The following KCNJ3 variants were observed in gnomAD, a reference collection of about 807,000 sequenced individuals.
The protein encoded by KCNJ3 is G protein-activated inward rectifier potassium channel 1.
In KCNJ3, 4 loss-of-function variants were observed where a neutral mutation model predicts 39.2. The ratio of observed to expected loss-of-function variants is 0.10; its 90% confidence interval spans 0.05 to 0.23. KCNJ3 has a LOEUF of 0.23. Ranked by LOEUF, KCNJ3 falls within the 10% of genes least tolerant of loss-of-function variation. KCNJ3 has a pLI of 1.00. For synonymous variants in KCNJ3, 230 were observed against 237.4 expected (o/e 0.97, Z 0.29); for missense variants, 276 against 634.9 (o/e 0.43, Z 6.08).
At chr2:154,825,021 C>T (rs1687244747) in intron 2 of KCNJ3, among the ~76,000 whole-genome samples, 1 of 152,174 alleles carries the variant, frequency 6.6e-6, no homozygotes, top group Non-Finnish European at 1.5e-5. Flanking sequence ...TAAATACTTG[C>T]TTATTTACTT....
At chr2:154,727,116 A>C (rs1685373352) in intron 2 of KCNJ3, among the ~76,000 whole-genome samples, 1 of 152,120 alleles carries the variant, frequency 6.6e-6, no homozygotes, top group African/African-American at 2.4e-5. Context: ...ATCACTAAAA[A>C]ACTTAGCCAT....
At chr2:154,842,815 A>T (rs546264786) in intron 2 of KCNJ3, among the ~76,000 whole-genome samples, 1 of 150,608 alleles carries the variant, frequency 6.6e-6, no homozygotes, top group East Asian at 2.0e-4. Flanking sequence ...CCATCCCTTT[A>T]TTTGGAGCCT....
At chr2:154,845,180 A>G (rs974392645) in intron 2 of KCNJ3, among the ~76,000 whole-genome samples, 2 of 152,182 alleles carry the variant, frequency 1.3e-5, no homozygotes, top group East Asian at 3.9e-4. Flanking sequence ...GTGCAGTGGC[A>G]TAATCTCAGC....
chr2:154,757,514 T>C (rs1354823785), intron 2 of KCNJ3, among the ~76,000 whole-genome samples: 2 of 152,178 alleles, frequency 1.3e-5, no homozygotes, highest in African/African-American at 4.8e-5. Flanking sequence ...GCATATTTTG[T>C]TGATTTTTTT....
intron 2 of KCNJ3, among the ~76,000 whole-genome samples, chr2:154,752,524 A>G (rs563108706): frequency 5.5e-4 from 83 of 152,192 alleles, no homozygotes; most frequent in South Asian, 6.2e-4. Context: ...AAAATTATTT[A>G]TATGGTACAT....
Position 154,720,609 on chromosome 2 carries a change from C to T in KCNJ3, c.919+10790C>T, listed in dbSNP as rs571789699. ...GAGCCCTCTTATTCACATGTAGTAC[C>T]GACTCTGTGCTATACCTTACCATTT... is the stretch of plus-strand genomic sequence containing the variant. On this transcript the variant is annotated intron_variant, in intron 2 of 2. Transcript: ENST00000295101. 2.0e-4 allele frequency among the ~76,000 whole-genome samples: 31 copies of T among 151,926 alleles called. No homozygotes were observed. The Middle Eastern group carries it at 0.01, about 50-fold the overall frequency.
chr2:154,741,587 T>C (rs1252749457), intron 2 of KCNJ3, among the ~76,000 whole-genome samples: 8 of 151,864 alleles, frequency 5.3e-5, no homozygotes, highest in Non-Finnish European at 1.2e-4. Flanking sequence ...TGGAAGTAGG[T>C]AAAATCATAT....
intron 2 of KCNJ3, among the ~76,000 whole-genome samples, chr2:154,808,377 G>A (rs957680304): frequency 6.6e-6 from 1 of 151,348 alleles, no homozygotes; most frequent in African/African-American, 2.4e-5. Flanking sequence ...CACCACACTC[G>A]GCGGGATAAG....
intron 2 of KCNJ3, among the ~76,000 whole-genome samples, chr2:154,849,874 C>A (rs1032086088): frequency 1.3e-5 from 2 of 151,680 alleles, no homozygotes; most frequent in African/African-American, 4.8e-5. Flanking sequence ...AGGAAAATGT[C>A]AAAAATAAAA....
At chr2:154,734,184 G>C (rs1160209924) in intron 2 of KCNJ3, among the ~76,000 whole-genome samples, 3 of 152,168 alleles carry the variant, frequency 2.0e-5, no homozygotes, top group Admixed American at 6.5e-5. Flanking sequence ...GAAGATACCT[G>C]AGAAGACAGA....
At chr2:154,811,830 A>G (rs1391985292) in intron 2 of KCNJ3, among the ~76,000 whole-genome samples, 4 of 152,130 alleles carry the variant, frequency 2.6e-5, no homozygotes, top group Admixed American at 2.6e-4. Flanking sequence ...GTGGTATTTT[A>G]CTTAATTCTG....
intron 2 of KCNJ3, among the ~76,000 whole-genome samples, chr2:154,731,214 C>T (rs1377786108): frequency 6.6e-6 from 1 of 152,142 alleles, no homozygotes; most frequent in African/African-American, 2.4e-5. Flanking sequence ...ATTACCTGCC[C>T]TTCTATGTGA....
intron 2 of KCNJ3, among the ~76,000 whole-genome samples, chr2:154,772,004 C>A (rs1452542253): frequency 6.6e-6 from 1 of 152,086 alleles, no homozygotes; most frequent in Non-Finnish European, 1.5e-5. Flanking sequence ...ATCAGAGAAA[C>A]CACCCAAGGT....
intron 2 of KCNJ3, among the ~76,000 whole-genome samples, chr2:154,837,932 T>C (rs1464919773): frequency 6.6e-6 from 1 of 152,240 alleles, no homozygotes; most frequent in Non-Finnish European, 1.5e-5. Flanking sequence ...TTTATTGTTA[T>C]AGCACCTTGT....
chr2:154,751,121 C>T (rs936447333), intron 2 of KCNJ3, among the ~76,000 whole-genome samples: 4 of 151,632 alleles, frequency 2.6e-5, no homozygotes, highest in Non-Finnish European at 4.4e-5. Flanking sequence ...TAACCAAATA[C>T]CACCTATTCC....
chr2:154,853,725 C>T (rs921919519), intron 2 of KCNJ3, among the ~76,000 whole-genome samples: 5 of 151,952 alleles, frequency 3.3e-5, no homozygotes, highest in African/African-American at 1.2e-4. Context: ...CCAGTCTTCA[C>T]AAAATGAATA....
At chr2:154,752,041 A>C (rs1477449689) in intron 2 of KCNJ3, among the ~76,000 whole-genome samples, 1 of 151,990 alleles carries the variant, frequency 6.6e-6, no homozygotes, top group Non-Finnish European at 1.5e-5. Context: ...ACACCATAAC[A>C]CCAATTAAAA....
intron 2 of KCNJ3, among the ~76,000 whole-genome samples, chr2:154,783,513 A>G (rs1686475566): frequency 6.6e-6 from 1 of 152,236 alleles, no homozygotes; most frequent in South Asian, 2.1e-4. Flanking sequence ...AATAATACTT[A>G]CATGGCTTAT....
intron 2 of KCNJ3, among the ~76,000 whole-genome samples, chr2:154,804,857 G>A (rs1686882782): frequency 6.6e-6 from 1 of 152,076 alleles, no homozygotes; most frequent in Non-Finnish European, 1.5e-5. Flanking sequence ...AACAAAAATA[G>A]TCTACAGTAA....
Sources: allele counts gnomAD v4.1 joint callset (sites outside exome capture counted in the v4.1 genomes callset), GRCh38; gene constraint gnomAD v4.1.1; transcripts MANE v1.5; gene names NCBI Gene and HGNC (gene_info 2026-07-23, HGNC 2026-07-21).